The following RBMS3 variants were observed in gnomAD, a reference collection of about 807,000 sequenced individuals.
RBMS3 encodes the protein RNA-binding motif, single-stranded-interacting protein 3.
RBMS3 carries 27 observed loss-of-function variants against 66.8 expected under a neutral mutation model. The ratio of observed to expected loss-of-function variants is 0.40; its 90% CI spans 0.30 to 0.56. The LOEUF (loss-of-function observed/expected upper bound fraction) is 0.56, where lower values mean the gene tolerates loss of function less well. Ranked by LOEUF, RBMS3 falls within the 20% of genes least tolerant of loss-of-function variation. The pLI, the probability that RBMS3 is intolerant of heterozygous loss-of-function variation, is 0.40. For missense variants in RBMS3, 513 were observed against 549.5 expected, an observed-to-expected ratio of 0.93 and a Z score of 0.66; for synonymous variants, 188 against 183.0, an observed-to-expected ratio of 1.03 and a Z score of -0.22.
intron 3 of RBMS3, among the ~76,000 whole-genome samples, chr3:29,524,943 G>T (rs1270534475): frequency 6.6e-6 from 1 of 152,004 alleles, no homozygotes; most frequent in Non-Finnish European, 1.5e-5. Flanking sequence ...TGTGGTCCCA[G>T]TTGTTCAGGG....
chr3:29,775,041 T>G (rs2056374865), intron 6 of RBMS3, among the ~76,000 whole-genome samples: 1 of 151,716 alleles, frequency 6.6e-6, no homozygotes, highest in Admixed American at 6.6e-5. Context: ...AAAACAAACA[T>G]AGAAAACAGC....
chr3:29,889,462 ACT>A (rs1192939042), intron 8 of RBMS3, among the ~76,000 whole-genome samples: 1 of 151,590 alleles, frequency 6.6e-6, no homozygotes, highest in Non-Finnish European at 1.5e-5. Flanking sequence ...ATGCATCCAA[ACT>A]CTGTCATTTA....
At chr3:29,619,996 A>C (rs1387089041) in intron 4 of RBMS3, among the ~76,000 whole-genome samples, 1 of 152,068 alleles carries the variant, frequency 6.6e-6, no homozygotes, top group Non-Finnish European at 1.5e-5. Flanking sequence ...TAAACCCTTG[A>C]TCTTAGAGAA....
intron 1 of RBMS3, among the ~76,000 whole-genome samples, chr3:29,409,990 C>T (rs1384849577): frequency 2.6e-5 from 4 of 151,994 alleles, no homozygotes; most frequent in Admixed American, 1.3e-4. Flanking sequence ...TTGGTTTTGG[C>T]AGCCACCGTT....
At chr3:29,697,091 G>A (rs1452625764) in intron 4 of RBMS3, 1 of 985,226 alleles carries the variant, frequency 1.0e-6, no homozygotes, top group African/African-American at 1.7e-5. Flanking sequence ...GCATGGTAAG[G>A]ACAAGGTAAT....
intron 4 of RBMS3, among the ~76,000 whole-genome samples, chr3:29,628,070 A>G (rs1051207220): frequency 6.6e-6 from 1 of 152,166 alleles, no homozygotes; most frequent in Non-Finnish European, 1.5e-5. Flanking sequence ...CAATACCATC[A>G]TCAGTCAGAT....
intron 3 of RBMS3, among the ~76,000 whole-genome samples, chr3:29,531,699 A>C (rs1430049317): frequency 6.6e-6 from 1 of 152,186 alleles, no homozygotes; most frequent in Non-Finnish European, 1.5e-5. Flanking sequence ...CTGAGGCAGC[A>C]AGGAAAATGC....
intron 1 of RBMS3, among the ~76,000 whole-genome samples, chr3:29,332,956 A>G (rs1447299476): frequency 6.6e-6 from 1 of 152,176 alleles, no homozygotes; most frequent in Admixed American, 6.6e-5. Context: ...GTAGACTAGC[A>G]TATGATTTTA....
intron 1 of RBMS3, among the ~76,000 whole-genome samples, chr3:29,312,084 A>G (rs1188539865): frequency 6.6e-6 from 1 of 151,776 alleles, no homozygotes; most frequent in Non-Finnish European, 1.5e-5. Context: ...TGGTTAGTAT[A>G]CTAAGGGATT....
rs149940003 is a variant in RBMS3, at chr3:29,856,500, G to A, written c.638-12358G>A. Reference sequence around the variant, plus strand: ...GCCTTTTGTGTTAAGGAGTTTGGACGTTATCCGATAGGTGGGCATGTGGGT... The same window carrying A: ...GCCTTTTGTGTTAAGGAGTTTGGACATTATCCGATAGGTGGGCATGTGGGT... On this transcript the variant is annotated intron_variant, in intron 6 of 14. Transcript: ENST00000383767. 6.6e-5 allele frequency among the ~76,000 whole-genome samples: 10 copies of A among 152,250 alleles called. No homozygotes were observed. In the East Asian group the frequency reaches 1.9e-3, roughly 29 times the overall value.
intron 5 of RBMS3, among the ~76,000 whole-genome samples, chr3:29,742,753 T>A (rs2054700410): frequency 6.6e-6 from 1 of 152,346 alleles, no homozygotes; most frequent in Admixed American, 6.5e-5. Flanking sequence ...GTTGGATGGA[T>A]GACTAGATAT....
chr3:29,514,625 T>A (rs1213550852), intron 3 of RBMS3, among the ~76,000 whole-genome samples: 1 of 132,526 alleles, frequency 7.5e-6, no homozygotes, highest in African/African-American at 3.0e-5. Flanking sequence ...GAGAGATAGG[T>A]GCATATATAT....
chr3:29,741,360 A>G (rs1156709841), intron 5 of RBMS3, among the ~76,000 whole-genome samples: 4 of 152,216 alleles, frequency 2.6e-5, no homozygotes, highest in Non-Finnish European at 5.9e-5. Context: ...GGCAGAGCTT[A>G]TGACACTACT....
At chr3:29,324,957 C>A (rs2035233957) in intron 1 of RBMS3, among the ~76,000 whole-genome samples, 1 of 151,898 alleles carries the variant, frequency 6.6e-6, no homozygotes, top group Non-Finnish European at 1.5e-5. Context: ...GTTAATGGAG[C>A]TTTATCGTAT....
At chr3:29,296,209 A>T (rs537030845) in intron 1 of RBMS3, among the ~76,000 whole-genome samples, 3 of 151,822 alleles carry the variant, frequency 2.0e-5, no homozygotes, top group Non-Finnish European at 4.4e-5. Flanking sequence ...CTGCCACCTT[A>T]TATACAAAGT....
chr3:29,419,977 C>T (rs1030173212), intron 1 of RBMS3, among the ~76,000 whole-genome samples: 2 of 152,172 alleles, frequency 1.3e-5, no homozygotes, highest in Non-Finnish European at 2.9e-5. Context: ...AGCTTCTTAC[C>T]GTTGGTGTCT....
chr3:29,481,808 T>G lies in RBMS3; in HGVS notation c.249-6633T>G, dbSNP rs78261115. Among the ~76,000 whole-genome samples the G allele has an allele frequency of 9.8e-3, 1,498 of 152,266 alleles. 10 individuals carry two copies. Among genetic ancestry groups the G allele is most frequent in the Non-Finnish European group, 0.014 (944 of 68,010 alleles). On this transcript the variant is annotated intron_variant, in intron 2 of 14. Transcript: ENST00000383767. ...CTATCAAATGGTCATTAGATACTAG[T>G]GTCTGAGTTATTATTTTATGCTATA...
At chr3:29,924,605 G>GT (rs967105792) in intron 10 of RBMS3, 1 of 3,060 alleles carries the variant, frequency 3.3e-4, no homozygotes, top group Non-Finnish European at 8.7e-4. Flanking sequence ...TGGGAGGCCA[G>GT]GGGGCGGATC....
At chr3:29,624,709 A>T (rs1165074803) in intron 4 of RBMS3, among the ~76,000 whole-genome samples, 1 of 152,190 alleles carries the variant, frequency 6.6e-6, no homozygotes, top group Admixed American at 6.5e-5. Context: ...CAATAAAAGG[A>T]GCACATATAT....
Sources: gnomAD v4.1 joint callset for allele counts (sites outside exome capture counted in the v4.1 genomes callset) on GRCh38, gnomAD v4.1.1 for gene constraint, MANE v1.5 for transcripts, NCBI Gene and HGNC (gene_info 2026-07-23, HGNC 2026-07-21) for gene names.